MARCHF1: variants seen among roughly 807,000 people sequenced by gnomAD.
MARCHF1 encodes membrane associated ring-CH-type finger 1.
A neutral mutation model predicts 54.2 loss-of-function variants in MARCHF1; 40 were observed. The observed-to-expected ratio is 0.74, with a 90% CI of 0.57 to 0.96. The LOEUF is 0.96. Among genes scored for constraint, MARCHF1 ranks in the 40% least tolerant of loss-of-function variants. The pLI, the probability that MARCHF1 is intolerant of heterozygous loss-of-function variation, is 0.00. For missense variants in MARCHF1, 586 were observed against 656.5 expected, an observed-to-expected ratio of 0.89 and a Z score of 1.17; for synonymous variants, 236 against 236.3, an observed-to-expected ratio of 1.00 and a Z score of 0.01.
intron 4 of MARCHF1, among the ~76,000 whole-genome samples, chr4:163,764,015 C>A (rs1746904844): frequency 6.6e-6 from 1 of 152,022 alleles, no homozygotes; most frequent in African/African-American, 2.4e-5. Context: ...TCCAAGTGTA[C>A]ACCACTGCAG....
At chr4:163,713,920 G>T (rs538766650) in intron 4 of MARCHF1, among the ~76,000 whole-genome samples, 1 of 152,108 alleles carries the variant, frequency 6.6e-6, no homozygotes, top group African/African-American at 2.4e-5. Context: ...TAAACAGGTG[G>T]GAAGAAATGA....
chr4:164,073,840 T>G (rs1219946645), intron 2 of MARCHF1, among the ~76,000 whole-genome samples: 3 of 152,090 alleles, frequency 2.0e-5, no homozygotes. Flanking sequence ...AGTCTCGCTC[T>G]GTCGCCAGGC....
intron 2 of MARCHF1, among the ~76,000 whole-genome samples, chr4:164,005,755 G>C (rs773023740): frequency 6.6e-6 from 1 of 152,128 alleles, no homozygotes; most frequent in African/African-American, 2.4e-5. Context: ...AGTCAAAGAA[G>C]ATGACAAATC....
intron 1 of MARCHF1, among the ~76,000 whole-genome samples, chr4:164,363,445 C>T (rs72690055): frequency 1.6e-4 from 25 of 152,126 alleles, no homozygotes; most frequent in Non-Finnish European, 3.2e-4. Context: ...AATTCCAGGG[C>T]ACCAAAACTA....
At chr4:164,325,352 T>C (rs948317024) in intron 1 of MARCHF1, among the ~76,000 whole-genome samples, 2 of 149,624 alleles carry the variant, frequency 1.3e-5, no homozygotes, top group African/African-American at 4.9e-5. Context: ...TATATATATA[T>C]ATATTTGCAC....
At chr4:163,873,570 A>G (rs1750225994) in intron 3 of MARCHF1, among the ~76,000 whole-genome samples, 1 of 152,148 alleles carries the variant, frequency 6.6e-6, no homozygotes, top group Admixed American at 6.5e-5. Context: ...CTGATGGTAA[A>G]TTTACAGGAG....
intron 3 of MARCHF1, among the ~76,000 whole-genome samples, chr4:163,878,942 C>T (rs559760362): frequency 1.3e-5 from 2 of 152,150 alleles, no homozygotes; most frequent in African/African-American, 2.4e-5. Context: ...ATTTGTGAAG[C>T]ACTGAGTAAT....
At chr4:164,249,026 A>G (rs1001259809) in intron 1 of MARCHF1, among the ~76,000 whole-genome samples, 1 of 152,104 alleles carries the variant, frequency 6.6e-6, no homozygotes, top group Non-Finnish European at 1.5e-5. Flanking sequence ...CTGTTTACCA[A>G]AACTTTTCCC....
At chr4:164,265,604 T>C (rs1347363551) in intron 1 of MARCHF1, among the ~76,000 whole-genome samples, 3 of 151,876 alleles carry the variant, frequency 2.0e-5, no homozygotes, top group African/African-American at 7.3e-5. Flanking sequence ...TTGTTTGTAC[T>C]GACATTAACA....
chr4:164,312,484 A>G (rs7668951), intron 1 of MARCHF1, among the ~76,000 whole-genome samples: 21,878 of 151,306 alleles, frequency 0.14, 2,405 homozygotes, highest in East Asian at 0.42. Flanking sequence ...CACTACGCCC[A>G]GCTAATTTTT....
chr4:164,108,272 A>T (rs2111175539), intron 2 of MARCHF1, among the ~76,000 whole-genome samples: 1 of 152,260 alleles, frequency 6.6e-6, no homozygotes, highest in South Asian at 2.1e-4. Context: ...AACATTATAT[A>T]CTAAGTAAGT....
At chr4:163,686,096 T>C (rs1744261424) in intron 5 of MARCHF1, among the ~76,000 whole-genome samples, 1 of 152,220 alleles carries the variant, frequency 6.6e-6, no homozygotes, top group Admixed American at 6.5e-5. Flanking sequence ...TAACACATAG[T>C]AAGTGCTTAA....
chr4:163,758,096 G>C (rs1746730352), intron 4 of MARCHF1, among the ~76,000 whole-genome samples: 1 of 151,990 alleles, frequency 6.6e-6, no homozygotes, highest in African/African-American at 2.4e-5. Context: ...TTTTCTACCT[G>C]TTTTCTTTTT....
At chr4:164,339,754 T>TA (rs1258628580) in intron 1 of MARCHF1, among the ~76,000 whole-genome samples, 2 of 151,526 alleles carry the variant, frequency 1.3e-5, no homozygotes, top group African/African-American at 4.9e-5. Flanking sequence ...TAGAGAACAA[T>TA]AAAAAAGATC....
chr4:163,715,559 GT>G (rs1316940321), intron 4 of MARCHF1, among the ~76,000 whole-genome samples: 1 of 152,050 alleles, frequency 6.6e-6, no homozygotes, highest in Non-Finnish European at 1.5e-5. Context: ...GCTTCTTTGG[GT>G]TTATAAAGTG....
chr4:163,671,302 G>A (rs901823881), intron 5 of MARCHF1, among the ~76,000 whole-genome samples: 6 of 152,160 alleles, frequency 3.9e-5, no homozygotes, highest in African/African-American at 1.4e-4. Flanking sequence ...GATGTGCAAA[G>A]GCTGAGATGG....
chr4:163,605,916 G>A lies in MARCHF1; in HGVS notation c.1010+6355C>T, dbSNP rs558640716. Among the ~76,000 whole-genome samples the A allele has an allele frequency of 5.3e-5, 8 of 152,196 alleles. No individual in the cohort carries two copies. In the East Asian group the frequency reaches 1.5e-3, roughly 29 times the overall value. On this transcript the variant is annotated intron_variant, in intron 7 of 9. Coordinates refer to ENST00000514618, the MANE Select transcript of MARCHF1 (RefSeq NM_001394959.1). ...CACTGGGGCCTGTTGCGGGTTGGGG[G>A]GCTAGGGGAGGGATGGCATTAGGAG...
chr4:163,668,711 A>C (rs1743626150), intron 5 of MARCHF1, among the ~76,000 whole-genome samples: 1 of 152,198 alleles, frequency 6.6e-6, no homozygotes, highest in Non-Finnish European at 1.5e-5. Flanking sequence ...AGTTGAAAGC[A>C]TAAATATGGC....
intron 1 of MARCHF1, among the ~76,000 whole-genome samples, chr4:164,284,064 G>C (rs942779627): frequency 6.6e-6 from 1 of 150,936 alleles, no homozygotes; most frequent in Non-Finnish European, 1.5e-5. Context: ...TTCCATTGGA[G>C]CAATTTAAGC....
Sources: gnomAD v4.1 joint callset for allele counts (sites outside exome capture counted in the v4.1 genomes callset) on GRCh38, gnomAD v4.1.1 for gene constraint, MANE v1.5 for transcripts, NCBI Gene and HGNC (gene_info 2026-07-23, HGNC 2026-07-21) for gene names.